Variants in NPAS3 observed in about 807,000 individuals in gnomAD.
The protein encoded by NPAS3 is neuronal PAS domain protein 3.
A neutral mutation model predicts 73.1 loss-of-function variants in NPAS3; 14 were observed. The ratio of observed to expected loss-of-function variants is 0.19; its 90% CI spans 0.13 to 0.30. The LOEUF is 0.30. NPAS3 is among the 10% of genes least tolerant of loss of function. The probability of loss-of-function intolerance (pLI) is 1.00; values close to 1 mark genes in which losing one functional copy is unlikely to be tolerated. For synonymous variants in NPAS3, 620 were observed against 541.5 expected (o/e 1.14, Z -2.01); for missense variants, 1,096 against 1,250.0 (o/e 0.88, Z 1.86).
intron 1 of NPAS3, among the ~76,000 whole-genome samples, 166 bp downstream of exon 1, chr14:32,939,532 G>C (rs1455883892): frequency 6.8e-6 from 1 of 148,116 alleles, no homozygotes; most frequent in Non-Finnish European, 1.5e-5. Flanking sequence ...CATTGTCCCC[G>C]CGGCGGCTGC....
chr14:33,564,981 T>C (rs1321602614), intron 5 of NPAS3, among the ~76,000 whole-genome samples: 1 of 152,094 alleles, frequency 6.6e-6, no homozygotes. Context: ...ATGAGTCACT[T>C]CCCTTTTTCT....
chr14:33,146,072 C>G (rs2044227638), intron 2 of NPAS3, among the ~76,000 whole-genome samples: 1 of 151,650 alleles, frequency 6.6e-6, no homozygotes, highest in South Asian at 2.1e-4. Context: ...AGAGCATTGC[C>G]TAATATATAA....
Position 32,971,410 on chromosome 14 carries a change from C to G in NPAS3, c.50+32044C>G, listed in dbSNP as rs114590630. ...TGTGTTTTTCTTTATAGTCTTACTA[C>G]CTGTGCATCATCTCTAAAATAAAGA... On this transcript the variant is annotated intron_variant, in intron 1 of 11. Coordinates refer to ENST00000356141, the Ensembl canonical transcript of NPAS3. 8.3e-3 allele frequency among the ~76,000 whole-genome samples: 1,262 copies of G among 152,130 alleles called. 19 individuals are homozygous for G. The highest frequency in any genetic ancestry group is 0.029 in the African/African-American group (1,210 of 41,514).
intron 4 of NPAS3, among the ~76,000 whole-genome samples, chr14:33,559,665 T>C (rs951649700): frequency 1.9e-4 from 29 of 152,252 alleles, no homozygotes; most frequent in African/African-American, 2.4e-5. Context: ...AATTTGTTCA[T>C]GTATAATGCA....
intron 3 of NPAS3, among the ~76,000 whole-genome samples, chr14:33,325,464 G>A (rs1225241794): frequency 6.6e-6 from 1 of 151,990 alleles, no homozygotes; most frequent in African/African-American, 2.4e-5. Flanking sequence ...TGGCCAACAT[G>A]GTGAAACCCT....
intron 2 of NPAS3, among the ~76,000 whole-genome samples, chr14:33,123,483 A>C (rs1468964237): frequency 6.6e-6 from 1 of 152,122 alleles, no homozygotes; most frequent in Non-Finnish European, 1.5e-5. Flanking sequence ...CATGGTGATT[A>C]ATAAGCATTG....
At chr14:33,579,538 T>C (rs1448825262) in intron 5 of NPAS3, among the ~76,000 whole-genome samples, 1 of 152,206 alleles carries the variant, frequency 6.6e-6, no homozygotes, top group Non-Finnish European at 1.5e-5. Context: ...ATGCGTAGAA[T>C]GAAGAATTCA....
At chr14:33,154,035 A>G (rs934091286) in intron 2 of NPAS3, among the ~76,000 whole-genome samples, 1 of 152,154 alleles carries the variant, frequency 6.6e-6, no homozygotes, top group Non-Finnish European at 1.5e-5. Context: ...TGCCATCCCA[A>G]TTTAGAACTC....
At chr14:33,742,404 A>AT (rs1301292299) in intron 7 of NPAS3, among the ~76,000 whole-genome samples, 8 of 152,218 alleles carry the variant, frequency 5.3e-5, no homozygotes, top group African/African-American at 1.9e-4. Context: ...AGTCACATGA[A>AT]TTTTTTGGTT....
At chr14:33,252,953 T>G (rs1594516339) in intron 3 of NPAS3, among the ~76,000 whole-genome samples, 2 of 152,248 alleles carry the variant, frequency 1.3e-5, no homozygotes, top group South Asian at 2.1e-4. Flanking sequence ...CCATCCGTGT[T>G]GCTGCAAAGG....
intron 3 of NPAS3, among the ~76,000 whole-genome samples, chr14:33,265,475 G>A (rs1440268096): frequency 6.7e-6 from 1 of 149,296 alleles, no homozygotes; most frequent in Non-Finnish European, 1.5e-5. Flanking sequence ...CCTTTTCTGT[G>A]ATATTTGGTA....
chr14:33,135,083 ACTAT>A (rs1248714329), intron 2 of NPAS3, among the ~76,000 whole-genome samples: 3 of 152,176 alleles, frequency 2.0e-5, no homozygotes, highest in African/African-American at 7.2e-5. Flanking sequence ...GAAAAATATA[ACTAT>A]CCTTACTCTT....
rs186367471 is a variant in NPAS3, at chr14:33,186,150, A to C, written c.141-29032A>C. Among the ~76,000 whole-genome samples the C allele has an allele frequency of 5.9e-5, 9 of 152,272 alleles. No individual in the cohort carries two copies. The East Asian group carries it at 1.7e-3, about 29-fold the overall frequency. On this transcript the variant is annotated intron_variant, in intron 2 of 11. Coordinates refer to ENST00000356141, the Ensembl canonical transcript of NPAS3. ...TCTTCATTTTTAACTTTGCTTTGCAAATTAAGCCTTTAAAAAAGCATCCTT... is the reference window on the plus strand; with the variant it reads ...TCTTCATTTTTAACTTTGCTTTGCACATTAAGCCTTTAAAAAAGCATCCTT...
At chr14:33,093,074 C>G (rs2042283478) in intron 2 of NPAS3, among the ~76,000 whole-genome samples, 1 of 152,166 alleles carries the variant, frequency 6.6e-6, no homozygotes, top group Non-Finnish European at 1.5e-5. Context: ...GACTTCATGT[C>G]TAAAACACCA....
chr14:33,017,196 C>G (rs2039426775), intron 1 of NPAS3, among the ~76,000 whole-genome samples: 1 of 152,168 alleles, frequency 6.6e-6, no homozygotes, highest in Non-Finnish European at 1.5e-5. Flanking sequence ...TATTTTGCAA[C>G]AAATGGATGC....
chr14:33,093,584 A>G (rs1195311942), intron 2 of NPAS3, among the ~76,000 whole-genome samples: 1 of 152,002 alleles, frequency 6.6e-6, no homozygotes, highest in Admixed American at 6.6e-5. Flanking sequence ...ATCTAGAACT[A>G]GAAATACCAT....
chr14:33,589,717 G>T (rs1174496318), intron 5 of NPAS3, among the ~76,000 whole-genome samples: 4 of 151,966 alleles, frequency 2.6e-5, no homozygotes, highest in Non-Finnish European at 5.9e-5. Context: ...TAAATTTTAG[G>T]ACATTGACTT....
intron 5 of NPAS3, among the ~76,000 whole-genome samples, chr14:33,600,372 T>C (rs937554909): frequency 6.6e-6 from 1 of 152,226 alleles, no homozygotes; most frequent in Non-Finnish European, 1.5e-5. Flanking sequence ...TTTATGCATT[T>C]TCTCCACCTG....
chr14:33,204,517 T>C (rs1383810709), intron 2 of NPAS3, among the ~76,000 whole-genome samples: 1 of 152,022 alleles, frequency 6.6e-6, no homozygotes, highest in Non-Finnish European at 1.5e-5. Flanking sequence ...GGAAGCACAG[T>C]CTGTGCAATA....
Sources: allele counts gnomAD v4.1 joint callset (sites outside exome capture counted in the v4.1 genomes callset), GRCh38; gene constraint gnomAD v4.1.1; transcripts MANE v1.5; gene names NCBI Gene and HGNC (gene_info 2026-07-23, HGNC 2026-07-21).